ARHGAP24: variants seen among roughly 807,000 people sequenced by gnomAD.
ARHGAP24 encodes rho GTPase-activating protein 24.
In ARHGAP24, 50 loss-of-function variants were observed where a neutral mutation model predicts 76.4. The ratio of observed to expected loss-of-function variants is 0.65; its 90% CI spans 0.52 to 0.83. ARHGAP24 has a LOEUF of 0.83. Among genes scored for constraint, ARHGAP24 ranks in the 40% least tolerant of loss-of-function variants. ARHGAP24 has a pLI of 0.00. For missense variants in ARHGAP24, 930 were observed against 914.2 expected (o/e 1.02, Z -0.22); for synonymous variants, 345 against 323.3 (o/e 1.07, Z -0.72).
At chr4:85,513,672 T>C (rs1724373704) in intron 1 of ARHGAP24, among the ~76,000 whole-genome samples, 1 of 152,206 alleles carries the variant, frequency 6.6e-6, no homozygotes, top group Non-Finnish European at 1.5e-5. Flanking sequence ...GAGAAATGTA[T>C]TGGCTCATAT....
intron 1 of ARHGAP24, among the ~76,000 whole-genome samples, chr4:85,490,718 G>C (rs114127305): frequency 0.016 from 2,382 of 152,266 alleles, 32 homozygotes; most frequent in Non-Finnish European, 0.024. Flanking sequence ...ACCTCTTGCA[G>C]GTCTATGAAT....
intron 2 of ARHGAP24, among the ~76,000 whole-genome samples, chr4:85,574,544 G>C (rs1182158306): frequency 3.9e-5 from 6 of 152,178 alleles, no homozygotes; most frequent in Admixed American, 1.3e-4. Context: ...TATTGCAAGG[G>C]TGAATGTATG....
intron 1 of ARHGAP24, among the ~76,000 whole-genome samples, chr4:85,500,958 A>G (rs1723786561): frequency 6.7e-6 from 1 of 149,874 alleles, no homozygotes; most frequent in Admixed American, 6.7e-5. Flanking sequence ...CCTACAAGTG[A>G]GAACATGCGG....
chr4:85,990,093 A>G (rs1272244160), intron 8 of ARHGAP24: 1 of 151,808 alleles, frequency 6.6e-6, no homozygotes, highest in African/African-American at 2.4e-5. Flanking sequence ...ACGCAAATAT[A>G]TAAAGATCAC....
intron 1 of ARHGAP24, among the ~76,000 whole-genome samples, chr4:85,524,685 C>T (rs6854573): frequency 0.057 from 8,625 of 152,206 alleles, 790 homozygotes; most frequent in African/African-American, 0.19. Context: ...CTGGCAGTGA[C>T]CCTTAGTTAA....
At chr4:85,874,251 T>C (rs943509509) in intron 3 of ARHGAP24, among the ~76,000 whole-genome samples, 2 of 152,136 alleles carry the variant, frequency 1.3e-5, no homozygotes, top group Non-Finnish European at 2.9e-5. Flanking sequence ...GCTCATACAT[T>C]CCCCTTTGAG....
rs1040639577 is a variant in ARHGAP24 at position 85,599,354 on chromosome 4, A to G, written c.180+28633A>G. Among the ~76,000 whole-genome samples the G allele has an allele frequency of 5.9e-5, 9 of 152,208 alleles. No homozygotes were observed. In the East Asian group the frequency reaches 1.7e-3, roughly 29 times the overall value. On this transcript the variant is annotated intron_variant, in intron 2 of 9. Transcript: ENST00000395184. Reference sequence around the variant, plus strand: ...AGTGGCTGAGATGGAAACAGAGCTCAGTTCATCTTGTAATTTTATACTTTT... The same window carrying G: ...AGTGGCTGAGATGGAAACAGAGCTCGGTTCATCTTGTAATTTTATACTTTT...
chr4:85,830,635 T>TA (rs1256109033), intron 3 of ARHGAP24, among the ~76,000 whole-genome samples: 16 of 152,350 alleles, frequency 1.1e-4, no homozygotes, highest in African/African-American at 3.6e-4. Context: ...CAAAGCAGTA[T>TA]AGATTCAGAT....
chr4:85,618,879 C>G (rs1213479300), intron 2 of ARHGAP24, among the ~76,000 whole-genome samples: 2 of 151,986 alleles, frequency 1.3e-5, no homozygotes, highest in Admixed American at 6.6e-5. Flanking sequence ...GATATTAACG[C>G]CTTATCAGAT....
chr4:85,629,423 A>G (rs1721085042), intron 2 of ARHGAP24, among the ~76,000 whole-genome samples: 1 of 152,186 alleles, frequency 6.6e-6, no homozygotes, highest in Non-Finnish European at 1.5e-5. Context: ...GAATTTGACT[A>G]TATTCATAAA....
At chr4:85,911,608 A>G (rs185750787) in intron 3 of ARHGAP24, among the ~76,000 whole-genome samples, 1 of 152,306 alleles carries the variant, frequency 6.6e-6, no homozygotes, top group Admixed American at 6.5e-5. Flanking sequence ...TTTGCTAAGG[A>G]CAGTCACCAT....
At chr4:85,738,367 TTTATTATTATTA>T (rs58504018) in intron 3 of ARHGAP24, among the ~76,000 whole-genome samples, 10,991 of 144,070 alleles carry the variant, frequency 0.076, 479 homozygotes, top group Middle Eastern at 0.1. Flanking sequence ...CATTTGGGCT[TTTATTATTATTA>T]TTATTATTAT....
chr4:85,679,351 C>A lies in ARHGAP24; in HGVS notation c.181-42534C>A, dbSNP rs1723116213. ...TTATTTCTCTACAGATGCAAATCTC[C>A]CCCACAAAAGACAGATTTGCAGGGC... On this transcript the variant is annotated intron_variant, in intron 2 of 9. Transcript: ENST00000395184. Among the ~76,000 whole-genome samples the A allele has an allele frequency of 2.6e-5, 4 of 152,136 alleles. No homozygotes were observed. The South Asian group carries it at 8.3e-4, about 31-fold the overall frequency.
At chr4:85,497,680 C>T (rs1049859633) in intron 1 of ARHGAP24, among the ~76,000 whole-genome samples, 5 of 152,048 alleles carry the variant, frequency 3.3e-5, no homozygotes, top group African/African-American at 1.2e-4. Flanking sequence ...ATTAGCTGGA[C>T]GTGGTGGTGC....
chr4:85,839,380 T>A (rs1243954723), intron 3 of ARHGAP24, among the ~76,000 whole-genome samples: 1 of 152,222 alleles, frequency 6.6e-6, no homozygotes, highest in Non-Finnish European at 1.5e-5. Context: ...AATAACTGTT[T>A]ATGTTCACAC....
intron 4 of ARHGAP24, among the ~76,000 whole-genome samples, chr4:85,938,671 T>A (rs1240441495): frequency 1.3e-5 from 2 of 152,116 alleles, no homozygotes; most frequent in Non-Finnish European, 2.9e-5. Flanking sequence ...CAGCAGAAAA[T>A]TCATTTTTCC....
chr4:85,478,575 T>C (rs1469110920), intron 1 of ARHGAP24, among the ~76,000 whole-genome samples: 1 of 152,250 alleles, frequency 6.6e-6, no homozygotes, highest in Non-Finnish European at 1.5e-5. Flanking sequence ...GATCTAACTG[T>C]GTAAGTCTCT....
chr4:85,722,945 C>T (rs1316910471), intron 3 of ARHGAP24, among the ~76,000 whole-genome samples: 6 of 152,152 alleles, frequency 3.9e-5, no homozygotes, highest in Non-Finnish European at 8.8e-5. Context: ...AGCTGTGGCA[C>T]TAAGTTCATC....
At chr4:85,982,950 G>A (rs1278450972) in intron 8 of ARHGAP24, among the ~76,000 whole-genome samples, 2 of 152,026 alleles carry the variant, frequency 1.3e-5, no homozygotes, top group Non-Finnish European at 2.9e-5. Context: ...ACACCAGTGT[G>A]TGTTGTTCCC....
Sources: gnomAD v4.1 joint callset for allele counts (sites outside exome capture counted in the v4.1 genomes callset) on GRCh38, gnomAD v4.1.1 for gene constraint, MANE v1.5 for transcripts, NCBI Gene and HGNC (gene_info 2026-07-23, HGNC 2026-07-21) for gene names.